The following TCEA2 variants were observed in gnomAD, a reference collection of about 807,000 sequenced individuals.
TCEA2 encodes transcription elongation factor A2, also known as transcription elongation factor A protein 2.
A neutral mutation model predicts 40.8 loss-of-function variants in TCEA2; 21 were observed. The ratio of observed to expected loss-of-function variants is 0.51; its 90% CI spans 0.36 to 0.74. The LOEUF (loss-of-function observed/expected upper bound fraction) is 0.74. Ranked by LOEUF, TCEA2 falls within the 30% of genes least tolerant of loss-of-function variation. The pLI is 0.00. For missense variants in TCEA2, 326 were observed against 426.5 expected, an observed-to-expected ratio of 0.76 and a Z score of 2.08; for synonymous variants, 165 against 162.7, an observed-to-expected ratio of 1.01 and a Z score of -0.11.
chr20:64,068,647 C>T (rs922439468), intron 4 of TCEA2, among the ~76,000 whole-genome samples: 23 of 152,360 alleles, frequency 1.5e-4, no homozygotes, highest in East Asian at 3.9e-4. Context: ...AGGCTATAGC[C>T]GAGAGATGGC....
chr20:64,067,491 GCTGGA>G (rs67723074), intron 3 of TCEA2, among the ~76,000 whole-genome samples: 33,705 of 151,978 alleles, frequency 0.22, 3,881 homozygotes, highest in South Asian at 0.26. Flanking sequence ...GCTGGGCTGG[GCTGGA>G]CTGAAGGCTG....
rs754071606 is a variant in TCEA2 at position 64,070,662 on chromosome 20, C to A, written c.819+27C>A. ...TGAGCGGCCGCTGGGCACCCTCCCC[C>A]GGGCCCGGTGTCTTCAGGGCATCTG... is the stretch of plus-strand genomic sequence containing the variant. On this transcript the variant is annotated intron_variant, in intron 8 of 9. Transcript: ENST00000343484. 240 of 1,521,192 alleles carry A rather than the reference C, an allele frequency of 1.6e-4. 2 individuals are homozygous for A. Among genetic ancestry groups the A allele is most frequent in the South Asian group, 1.2e-5 (1 of 80,680 alleles). 94.2% of individuals were successfully genotyped at this position (1,521,192 alleles called of 1,614,324 possible).
upstream of TCEA2, among the ~76,000 whole-genome samples, chr20:64,056,081 A>C (rs929236175): frequency 2.0e-5 from 3 of 152,018 alleles, no homozygotes; most frequent in Admixed American, 2.0e-4. Context: ...AGCCTGGAGC[A>C]GGCCGCCAGG....
chr20:64,060,803 T>C (rs1450488169), upstream of TCEA2, among the ~76,000 whole-genome samples: 1 of 152,204 alleles, frequency 6.6e-6, no homozygotes, highest in African/African-American at 2.4e-5. Flanking sequence ...TTGAGCTTTT[T>C]TTTTTTGCGA....
rs1048224312 is a variant in TCEA2, at chr20:64,058,091, G to A, written c.-84+440G>A. ...GCCTGCAGTAGTTGCTTCCACGCAGGACTAGAGCATGTCAGGGTTCGGGGC... is the reference window on the plus strand; with the variant it reads ...GCCTGCAGTAGTTGCTTCCACGCAGAACTAGAGCATGTCAGGGTTCGGGGC... On this transcript the variant is annotated intron_variant, in intron 1 of 10. Transcript: ENST00000361317. The surrounding 1 kb of genome is among the most constrained non-coding windows in gnomAD (Gnocchi z 6.7). 2.0e-5 allele frequency among the ~76,000 whole-genome samples: 3 copies of A among 152,224 alleles called. No homozygotes were observed. The highest frequency in any genetic ancestry group is 7.2e-5 in the African/African-American group (3 of 41,456).
At position 64,072,283 on chromosome 20, in the gene TCEA2, A is replaced by C. The variant is rs991877100; in HGVS notation, c.*103A>C. 7.6e-7 allele frequency: 1 copy of C among 1,308,344 alleles called. No homozygotes were observed. 81.0% of individuals were successfully genotyped at this position (1,308,344 alleles called of 1,614,324 possible). On this transcript the variant is annotated 3_prime_UTR_variant, in exon 10 of 10. Transcript: ENST00000343484. ...TAGAAGGCGGCATGTCCTGCCCTCA[A>C]CCTGCCTGCCTGGATTGCACCTTTC... is the stretch of plus-strand genomic sequence containing the variant.
intron 8 of TCEA2, among the ~76,000 whole-genome samples, chr20:64,071,485 C>T (rs6011277): frequency 0.1 from 15,703 of 152,228 alleles, 1,055 homozygotes; most frequent in African/African-American, 0.17. Context: ...GCCTGCCTCT[C>T]TCCTGCTCCC....
intron 5 of TCEA2, 47 bp downstream of exon 5, chr20:64,069,538 G>A (rs1486751113): frequency 6.3e-7 from 1 of 1,596,810 alleles, no homozygotes; most frequent in Non-Finnish European, 8.5e-7. Context: ...TGGTTCACAG[G>A]GTGGCCCGGG....
chr20:64,059,719 G>C (rs2059527192), upstream of TCEA2, among the ~76,000 whole-genome samples: 1 of 152,186 alleles, frequency 6.6e-6, no homozygotes, highest in South Asian at 2.1e-4. Flanking sequence ...CCTAGGTAAT[G>C]CTTTAAGAGT....
chr20:64,066,601 C>G (rs1034305841), intron 2 of TCEA2, 63 bp downstream of exon 2: 3 of 1,571,322 alleles, frequency 1.9e-6, no homozygotes, highest in Non-Finnish European at 2.6e-6. Context: ...GATGGCAGTT[C>G]TGAGGGCACC....
In TCEA2 at chr20:64,072,274, C is replaced by T; in HGVS notation, c.*94C>T. On this transcript the variant is annotated 3_prime_UTR_variant, in exon 10 of 10. Coordinates refer to ENST00000343484, the MANE Select transcript of TCEA2 (RefSeq NM_003195.6). ...TGGAGACCCTAGAAGGCGGCATGTC[C>T]TGCCCTCAACCTGCCTGCCTGGATT... The T allele has an allele frequency of 7.1e-7, 1 of 1,403,474 alleles. No homozygotes were observed. The highest frequency in any genetic ancestry group is 9.9e-7 in the Non-Finnish European group (1 of 1,013,656). The allele number at this position is 1,403,474 out of a possible 1,614,324, so 86.9% of individuals were successfully genotyped here.
At chr20:64,064,134 A>T (rs892777666) in intron 1 of TCEA2, 1 of 152,294 alleles carries the variant, frequency 6.6e-6, no homozygotes, top group African/African-American at 2.4e-5. Flanking sequence ...GCCAGGACTT[A>T]GCCCGCAGCA....
At chr20:64,056,603 G>C (rs1482415641), upstream of TCEA2, among the ~76,000 whole-genome samples, 1 of 152,156 alleles carries the variant, frequency 6.6e-6, no homozygotes, top group Admixed American at 6.5e-5. Context: ...GGGGCTCCGT[G>C]TGAGTTTGGC....
intron 1 of TCEA2, chr20:64,063,709 AC>A: frequency 3.1e-6 from 1 of 324,564 alleles, no homozygotes; most frequent in Non-Finnish European, 5.7e-6. Context: ...TTAACTCCAG[AC>A]CCCCAGCCTG....
At chr20:64,059,693 G>A (rs1043516824), upstream of TCEA2, among the ~76,000 whole-genome samples, 1 of 151,800 alleles carries the variant, frequency 6.6e-6, no homozygotes. Context: ...CTTTGTTCTC[G>A]ACCAGCTCCC....
At chr20:64,068,228 G>A in intron 4 of TCEA2, 94 bp downstream of exon 4, 1 of 1,133,532 alleles carries the variant, frequency 8.8e-7, no homozygotes, top group Admixed American at 2.1e-5. Context: ...CCTAGGCACT[G>A]CTTTGAGGCT....
chr20:64,066,807 G>A (rs2059703997), intron 2 of TCEA2, 108 bp from the exon 3 acceptor site: 2 of 1,129,656 alleles, frequency 1.8e-6, no homozygotes, highest in South Asian at 1.4e-5. Context: ...CTACCTCCCT[G>A]GGAGGTCCCG....
intron 6 of TCEA2, chr20:64,070,051 C>T (rs905681133): frequency 9.0e-6 from 8 of 889,002 alleles, no homozygotes; most frequent in Admixed American, 2.1e-5. Context: ...GGGGCTGTAG[C>T]CTGAAGCTGG....
intron 3 of TCEA2, 136 bp downstream of exon 3, chr20:64,067,156 C>A: frequency 1.2e-6 from 1 of 865,904 alleles, no homozygotes; most frequent in South Asian, 1.5e-5. Context: ...AGTGGCAAAC[C>A]CAGACCATGA....
Sources: allele counts gnomAD v4.1 joint callset (sites outside exome capture counted in the v4.1 genomes callset), GRCh38; gene constraint gnomAD v4.1.1; non-coding constraint Gnocchi (gnomAD v3.1); transcripts MANE v1.5; gene names NCBI Gene and HGNC (gene_info 2026-07-23, HGNC 2026-07-21).